CDH10: variants seen among roughly 807,000 people sequenced by gnomAD.
The protein encoded by CDH10 is cadherin-10.
A neutral mutation model predicts 73.1 loss-of-function variants in CDH10; 30 were observed. That is an observed-to-expected ratio of 0.41 (90% CI 0.31 to 0.56). The LOEUF is 0.56. CDH10 is among the 20% of genes least tolerant of loss of function. The pLI is 0.27. For synonymous variants in CDH10, 345 were observed against 348.2 expected (o/e 0.99, Z 0.10); for missense variants, 815 against 973.7 (o/e 0.84, Z 2.17).
At chr5:24,589,379 T>G (rs573134675) in intron 2 of CDH10, among the ~76,000 whole-genome samples, 1 of 152,236 alleles carries the variant, frequency 6.6e-6, no homozygotes, top group South Asian at 2.1e-4. Context: ...GACAGCATAT[T>G]TAGAAGTAAG....
At chr5:24,505,557 C>T (rs1742670524) in intron 7 of CDH10, among the ~76,000 whole-genome samples, 1 of 152,168 alleles carries the variant, frequency 6.6e-6, no homozygotes, top group Admixed American at 6.5e-5. Flanking sequence ...GAATTACAGA[C>T]AGCTATATTG....
intron 5 of CDH10, among the ~76,000 whole-genome samples, chr5:24,518,848 T>C (rs1743205194): frequency 6.6e-6 from 1 of 151,584 alleles, no homozygotes; most frequent in South Asian, 2.1e-4. Flanking sequence ...TAAGTTTATC[T>C]TGCAAGGGAC....
intron 9 of CDH10, among the ~76,000 whole-genome samples, chr5:24,493,588 C>T (rs967132927): frequency 5.9e-5 from 9 of 151,770 alleles, no homozygotes; most frequent in Non-Finnish European, 7.4e-5. Flanking sequence ...CTGCTTTGGA[C>T]ATATGATATG....
chr5:24,505,146 C>T lies in CDH10; in HGVS notation c.1359G>A (p.Gln453=), dbSNP rs544116954. The change falls in exon 8 of 12, where the codon CAG becomes CAA. Residue 453 remains glutamine, a synonymous_variant. Coordinates refer to ENST00000264463, the MANE Select transcript of CDH10 (RefSeq NM_006727.5). ...TSKPLDRELS[Q]WHNLTVIAAE... Reference sequence around the variant, plus strand: ...CAGCAATAACAGTAAGATTATGCCACTGAGATAGTTCACGGTCAAGAGGTT... The same window carrying T: ...CAGCAATAACAGTAAGATTATGCCATTGAGATAGTTCACGGTCAAGAGGTT... The T allele has an allele frequency of 1.9e-6, 3 of 1,612,364 alleles. No individual in the cohort carries two copies. In the African/African-American group the frequency reaches 4.0e-5, roughly 22 times the overall value.
At chr5:24,501,677 A>C (rs1382266869) in intron 8 of CDH10, among the ~76,000 whole-genome samples, 1 of 152,212 alleles carries the variant, frequency 6.6e-6, no homozygotes, top group African/African-American at 2.4e-5. Context: ...GACATTAGAA[A>C]AATATAACTG....
At chr5:24,527,637 T>C (rs1743582158) in intron 5 of CDH10, among the ~76,000 whole-genome samples, 1 of 151,822 alleles carries the variant, frequency 6.6e-6, no homozygotes, top group Non-Finnish European at 1.5e-5. Context: ...CTGCAGGCAA[T>C]TGTAACACAA....
At chr5:24,547,779 A>G (rs950331303) in intron 2 of CDH10, among the ~76,000 whole-genome samples, 2 of 152,170 alleles carry the variant, frequency 1.3e-5, no homozygotes, top group African/African-American at 4.8e-5. Flanking sequence ...TTTTTAACCT[A>G]AGGGCATTCA....
chr5:24,548,166 C>T (rs1417188041), intron 2 of CDH10, among the ~76,000 whole-genome samples: 1 of 151,538 alleles, frequency 6.6e-6, no homozygotes, highest in Non-Finnish European at 1.5e-5. Flanking sequence ...CTTGCCCTGT[C>T]ACCTAGGCTG....
At chr5:24,534,067 GA>G (rs1743851363) in intron 5 of CDH10, among the ~76,000 whole-genome samples, 1 of 151,880 alleles carries the variant, frequency 6.6e-6, no homozygotes, top group Non-Finnish European at 1.5e-5. Flanking sequence ...ACAGAAAAGA[GA>G]AAAAATGCTT....
intron 2 of CDH10, among the ~76,000 whole-genome samples, chr5:24,573,897 A>G (rs1026060321): frequency 6.7e-6 from 1 of 148,808 alleles, no homozygotes. Context: ...AAATATATAT[A>G]TTTTTGAGAC....
intron 1 of CDH10, among the ~76,000 whole-genome samples, chr5:24,643,039 C>T (rs1289868953): frequency 6.6e-6 from 1 of 151,750 alleles, no homozygotes; most frequent in Non-Finnish European, 1.5e-5. Context: ...GGGTTTGCAT[C>T]TGACGTGTCC....
chr5:24,617,983 G>C (rs551444995), intron 1 of CDH10, among the ~76,000 whole-genome samples: 1 of 152,254 alleles, frequency 6.6e-6, no homozygotes, highest in East Asian at 1.9e-4. Context: ...AAAATGTTAT[G>C]TGATTTTATC....
At chr5:24,541,762 A>G (rs988038022) in intron 2 of CDH10, among the ~76,000 whole-genome samples, 1 of 152,076 alleles carries the variant, frequency 6.6e-6, no homozygotes, top group African/African-American at 2.4e-5. Flanking sequence ...TTTTATGTTA[A>G]TACTGACCTT....
intron 2 of CDH10, among the ~76,000 whole-genome samples, chr5:24,571,695 G>T (rs866798032): frequency 7.2e-6 from 1 of 138,158 alleles, no homozygotes; most frequent in Non-Finnish European, 1.7e-5. Context: ...TTCTATAATA[G>T]CAATAGTTCT....
At chr5:24,553,594 A>G (rs1579799223) in intron 2 of CDH10, among the ~76,000 whole-genome samples, 1 of 152,244 alleles carries the variant, frequency 6.6e-6, no homozygotes, top group Admixed American at 6.5e-5. Context: ...TAATTTCCAA[A>G]GACAATTTTT....
At chr5:24,499,984 A>C (rs915420525) in intron 8 of CDH10, among the ~76,000 whole-genome samples, 8 of 152,212 alleles carry the variant, frequency 5.3e-5, no homozygotes, top group Non-Finnish European at 8.8e-5. Context: ...AATAAAGACT[A>C]TAATTAGCTG....
chr5:24,521,595 A>G (rs1263481000), intron 5 of CDH10, among the ~76,000 whole-genome samples: 3 of 152,062 alleles, frequency 2.0e-5, no homozygotes, highest in African/African-American at 4.8e-5. Context: ...CTGGGCAACA[A>G]GAGTGAAACT....
At chr5:24,539,124 G>T (rs2111903887) in intron 2 of CDH10, among the ~76,000 whole-genome samples, 1 of 151,986 alleles carries the variant, frequency 6.6e-6, no homozygotes, top group South Asian at 2.1e-4. Flanking sequence ...ACATAAATCA[G>T]AATAGGCACA....
intron 2 of CDH10, among the ~76,000 whole-genome samples, chr5:24,557,368 A>G (rs1350685077): frequency 6.6e-6 from 1 of 151,722 alleles, no homozygotes; most frequent in Non-Finnish European, 1.5e-5. Context: ...CCTAATTTAC[A>G]GAATCATTAT....
Sources: gnomAD v4.1 joint callset for allele counts (sites outside exome capture counted in the v4.1 genomes callset) on GRCh38, gnomAD v4.1.1 for gene constraint, MANE v1.5 for transcripts, NCBI Gene and HGNC (gene_info 2026-07-23, HGNC 2026-07-21) for gene names.